SYT16: variants seen among roughly 807,000 people sequenced by gnomAD.
SYT16 encodes the protein synaptotagmin-16.
A neutral mutation model predicts 61.4 loss-of-function variants in SYT16; 42 were observed. The ratio of observed to expected loss-of-function variants is 0.68; its 90% CI spans 0.53 to 0.89. The LOEUF (loss-of-function observed/expected upper bound fraction) is 0.89, where lower values mean the gene tolerates loss of function less well. Among genes scored for constraint, SYT16 ranks in the 40% least tolerant of loss-of-function variants. The probability of loss-of-function intolerance (pLI) is 0.00; values close to 1 mark genes in which losing one functional copy is unlikely to be tolerated. For synonymous variants in SYT16, 314 were observed against 302.3 expected (o/e 1.04, Z -0.40); for missense variants, 804 against 807.3 (o/e 1.00, Z 0.05).
chr14:61,937,635 G>A (rs1431503983), intron 1 of SYT16, among the ~76,000 whole-genome samples: 1 of 152,174 alleles, frequency 6.6e-6, no homozygotes, highest in African/African-American at 2.4e-5. Flanking sequence ...TTTCCATGGA[G>A]ATCTGGAGAG....
chr14:61,976,663 C>G (rs2051817886), intron 2 of SYT16, among the ~76,000 whole-genome samples: 1 of 152,104 alleles, frequency 6.6e-6, no homozygotes, highest in African/African-American at 2.4e-5. Flanking sequence ...GCACCAACTC[C>G]CGAGACTGTA....
chr14:61,833,906 T>G (rs960233816), intron 1 of SYT16, among the ~76,000 whole-genome samples: 4 of 150,868 alleles, frequency 2.7e-5, no homozygotes, highest in Admixed American at 1.3e-4. Flanking sequence ...TTTTTCCCTG[T>G]GGAGTCCCAT....
chr14:62,054,644 G>A (rs770907362), intron 3 of SYT16, among the ~76,000 whole-genome samples: 3 of 152,212 alleles, frequency 2.0e-5, no homozygotes, highest in South Asian at 2.1e-4. Context: ...TTACAGATGT[G>A]AGCCACTGTG....
intron 3 of SYT16, among the ~76,000 whole-genome samples, chr14:62,050,539 A>G (rs2055228659): frequency 6.6e-6 from 1 of 152,134 alleles, no homozygotes; most frequent in Non-Finnish European, 1.5e-5. Flanking sequence ...TTGGAGGAGG[A>G]GAGGCGCTCC....
intron 1 of SYT16, among the ~76,000 whole-genome samples, chr14:61,820,191 A>G (rs2045568446): frequency 6.6e-6 from 1 of 152,204 alleles, no homozygotes; most frequent in Non-Finnish European, 1.5e-5. Context: ...TTCTTCCCCA[A>G]TGTTTATTGT....
chr14:62,077,629 G>C (rs997176128), intron 5 of SYT16: 1 of 152,240 alleles, frequency 6.6e-6, no homozygotes, highest in African/African-American at 2.4e-5. Context: ...AGATGGATTA[G>C]TGGTATTAAC....
At chr14:61,854,723 A>G (rs928362501) in intron 1 of SYT16, among the ~76,000 whole-genome samples, 2 of 152,234 alleles carry the variant, frequency 1.3e-5, no homozygotes, top group Admixed American at 6.5e-5. Flanking sequence ...AAACATACGC[A>G]TCACTCGTGG....
At position 62,110,745 on chromosome 14, in the gene SYT16, A is replaced by T. The variant is rs1303287070; in HGVS notation, c.*10038A>T. 1 of 152,110 alleles carries T rather than the reference A, an allele frequency of 6.6e-6. No individual in the cohort carries two copies. Among genetic ancestry groups the T allele is most frequent in the South Asian group, 2.1e-4 (1 of 4,832 alleles). The allele number at this position is 152,110 out of a possible 1,614,324, so 9.4% of individuals were successfully genotyped here. On this transcript the variant is annotated 3_prime_UTR_variant, in exon 8 of 8. Transcript: ENST00000683842. ...GCAGGTTCGCCAACCTTTGAGTTGAATGCAGACCTTTCTTTAGAACAACCT... is the reference window on the plus strand; with the variant it reads ...GCAGGTTCGCCAACCTTTGAGTTGATTGCAGACCTTTCTTTAGAACAACCT...
At chr14:61,861,261 T>C (rs976681764) in intron 1 of SYT16, among the ~76,000 whole-genome samples, 2 of 152,234 alleles carry the variant, frequency 1.3e-5, no homozygotes, top group South Asian at 4.1e-4. Context: ...TCAGGATATC[T>C]TAAGTGAAAA....
At chr14:61,910,148 A>C (rs1038879436) in intron 1 of SYT16, among the ~76,000 whole-genome samples, 98 of 152,292 alleles carry the variant, frequency 6.4e-4, no homozygotes, top group African/African-American at 2.3e-3. Flanking sequence ...TATCCATATA[A>C]ATATATGCCC....
At chr14:62,059,553 A>G (rs1243330108) in intron 3 of SYT16, among the ~76,000 whole-genome samples, 1 of 151,726 alleles carries the variant, frequency 6.6e-6, no homozygotes, top group African/African-American at 2.4e-5. Context: ...TGGTATGGTT[A>G]ATGCTTTTGT....
intron 3 of SYT16, among the ~76,000 whole-genome samples, chr14:62,063,325 A>G (rs1467202972): frequency 6.6e-6 from 1 of 152,222 alleles, no homozygotes; most frequent in Non-Finnish European, 1.5e-5. Flanking sequence ...GGGCAGTGAC[A>G]TGATGGGGGA....
intron 3 of SYT16, among the ~76,000 whole-genome samples, chr14:62,058,197 G>A (rs915006387): frequency 6.6e-6 from 1 of 152,002 alleles, no homozygotes; most frequent in Non-Finnish European, 1.5e-5. Flanking sequence ...CTTTTGGTTT[G>A]CTTCCAGATT....
At chr14:61,969,503 T>G (rs973578403) in intron 1 of SYT16, among the ~76,000 whole-genome samples, 7 of 152,168 alleles carry the variant, frequency 4.6e-5, no homozygotes, top group Non-Finnish European at 7.3e-5. Flanking sequence ...GAAATGGAAT[T>G]TCATCTGCCA....
chr14:61,975,396 T>C (rs1019459076), intron 2 of SYT16, among the ~76,000 whole-genome samples: 2 of 152,210 alleles, frequency 1.3e-5, no homozygotes, highest in South Asian at 4.1e-4. Flanking sequence ...ATTTTCATAC[T>C]GCTATAAGTA....
intron 1 of SYT16, among the ~76,000 whole-genome samples, chr14:61,945,556 T>G (rs1194884503): frequency 2.0e-5 from 3 of 151,628 alleles, no homozygotes; most frequent in Non-Finnish European, 4.4e-5. Context: ...TATGCAGTCA[T>G]AAAAAAGGAT....
intron 3 of SYT16, among the ~76,000 whole-genome samples, chr14:62,057,042 C>T (rs1333356813): frequency 6.6e-6 from 1 of 152,296 alleles, no homozygotes; most frequent in East Asian, 1.9e-4. Context: ...ACTGCGGTCG[C>T]AAAGCCCAGG....
chr14:61,959,490 A>C (rs1375698459), intron 1 of SYT16, among the ~76,000 whole-genome samples: 5 of 152,090 alleles, frequency 3.3e-5, no homozygotes, highest in Non-Finnish European at 7.4e-5. Flanking sequence ...TAAGCTGATA[A>C]CTTCAATCAC....
chr14:61,956,612 A>T (rs2050887088), intron 1 of SYT16, among the ~76,000 whole-genome samples: 1 of 151,976 alleles, frequency 6.6e-6, no homozygotes, highest in African/African-American at 2.4e-5. Context: ...AGTTGACCAT[A>T]TTCATGTCTG....
Sources: gnomAD v4.1 joint callset for allele counts (sites outside exome capture counted in the v4.1 genomes callset) on GRCh38, gnomAD v4.1.1 for gene constraint, MANE v1.5 for transcripts, NCBI Gene and HGNC (gene_info 2026-07-23, HGNC 2026-07-21) for gene names.